The following DOCK5 variants were observed in gnomAD, a reference collection of about 807,000 sequenced individuals.
DOCK5 encodes dedicator of cytokinesis 5.
A neutral mutation model predicts 251.8 loss-of-function variants in DOCK5; 142 were observed. The observed-to-expected ratio is 0.56, with a 90% CI of 0.49 to 0.65. The LOEUF (loss-of-function observed/expected upper bound fraction) is 0.65. DOCK5 is among the 30% of genes least tolerant of loss of function. The pLI is 0.00. For synonymous variants in DOCK5, 842 were observed against 835.5 expected, an observed-to-expected ratio of 1.01 and a Z score of -0.13; for missense variants, 2,111 against 2,312.3, an observed-to-expected ratio of 0.91 and a Z score of 1.79.
rs560961050 is a variant in DOCK5 at position 25,410,712 on chromosome 8, C to G, written c.5509-482C>G. Among the ~76,000 whole-genome samples the G allele has an allele frequency of 1.4e-3, 208 of 150,830 alleles. 1 individual carries two copies. Among genetic ancestry groups the G allele is most frequent in the Middle Eastern group, 0.014 (4 of 292 alleles). Reference sequence around the variant, plus strand: ...CCTGGCCTCAAGTGATCCCCCCCACCCACCTCAGCCTTCCAAAGTGCTGAG... The same window carrying G: ...CCTGGCCTCAAGTGATCCCCCCCACGCACCTCAGCCTTCCAAAGTGCTGAG... On this transcript the variant is annotated intron_variant, in intron 51 of 51. Transcript: ENST00000276440.
Position 25,368,580 on chromosome 8 carries a change from A to G in DOCK5, c.3293A>G (p.Lys1098Arg), listed in dbSNP as rs756922049. The G allele has an allele frequency of 6.3e-7, 1 of 1,596,406 alleles. No homozygotes were observed. The highest frequency in any genetic ancestry group is 1.1e-5 in the South Asian group (1 of 87,324). ...TTCACTTTCATTTCAGGTCCCCACA[A>G]AATCAAATTCATCCCATCCATGGTG... ...RDMWYNLGPHKIKFIPSMVGP... is the reference protein window; with the variant it reads ...RDMWYNLGPHRIKFIPSMVGP... Residue 1098 changes from lysine to arginine, a missense_variant, in exon 33 of 52, where the codon AAA becomes AGA. This residue lies in a region of DOCK5 where 1,717 missense variants were observed against 1,892.4 expected (regional missense o/e 0.91). Coordinates refer to ENST00000276440, the MANE Select transcript of DOCK5 (RefSeq NM_024940.8).
intron 16 of DOCK5, among the ~76,000 whole-genome samples, chr8:25,321,775 T>A (rs929918230): frequency 6.6e-6 from 1 of 152,154 alleles, no homozygotes; most frequent in South Asian, 2.1e-4. Context: ...GGCTTGGGGT[T>A]TGAGGTCCCC....
rs1293166301 is a variant in DOCK5, at chr8:25,210,033, T to TATATATATAA, written c.43+25083_43+25084insTATATATAAA. Among the ~76,000 whole-genome samples the TATATATATAA allele has an allele frequency of 5.2e-4, 12 of 22,864 alleles. 4 individuals are homozygous for TATATATATAA. The highest frequency in any genetic ancestry group is 8.8e-4 in the Admixed American group (2 of 2,264). 15.0% of individuals were successfully genotyped at this position (22,864 alleles called of 152,430 possible). On this transcript the variant is annotated intron_variant, in intron 1 of 51. Coordinates refer to ENST00000276440, the MANE Select transcript of DOCK5 (RefSeq NM_024940.8). The stretch of plus-strand genomic sequence containing the variant: ...TTATATATATATATATATATATATA[T>TATATATATAA]AAATGTGTGTGTGTGTGTGTGTGTG...
At chr8:25,192,199 C>G (rs1801599349) in intron 1 of DOCK5, among the ~76,000 whole-genome samples, 1 of 46,990 alleles carries the variant, frequency 2.1e-5, no homozygotes, top group African/African-American at 6.4e-5. Context: ...GGTTCCAAGT[C>G]TTTGCTATTG....
At chr8:25,189,505 TG>T (rs1184551944) in intron 1 of DOCK5, among the ~76,000 whole-genome samples, 1 of 152,026 alleles carries the variant, frequency 6.6e-6, no homozygotes, top group East Asian at 1.9e-4. Flanking sequence ...GAGCTACAGG[TG>T]CGTGCCACCA....
At chr8:25,263,608 A>G (rs1803649806) in intron 2 of DOCK5, among the ~76,000 whole-genome samples, 1 of 151,674 alleles carries the variant, frequency 6.6e-6, no homozygotes, top group Non-Finnish European at 1.5e-5. Context: ...TCCCATGGGA[A>G]CACCCCCCTC....
At chr8:25,253,039 G>A (rs933199745) in intron 2 of DOCK5, among the ~76,000 whole-genome samples, 2 of 152,148 alleles carry the variant, frequency 1.3e-5, no homozygotes, top group Non-Finnish European at 2.9e-5. Context: ...GGCTAGGCTG[G>A]CCTCAAACTC....
At chr8:25,369,740 A>G (rs1586369515) in intron 34 of DOCK5, 99 bp downstream of exon 34, 6 of 951,464 alleles carry the variant, frequency 6.3e-6, no homozygotes, top group Non-Finnish European at 9.5e-6. Context: ...GAGTAGTCTC[A>G]GAGTCACTAG....
Position 25,412,392 on chromosome 8 carries a change from C to T in DOCK5, c.*1094C>T, listed in dbSNP as rs1162171378. 3 of 152,234 alleles carry T rather than the reference C, an allele frequency of 2.0e-5. No individual in the cohort carries two copies. The highest frequency in any genetic ancestry group is 4.1e-4 in the South Asian group (2 of 4,826). The allele number at this position is 152,234 out of a possible 1,614,324, so 9.4% of individuals were successfully genotyped here. A position where few individuals can be genotyped will look rare whatever the true frequency, so the allele number is the denominator to read the frequency against. ...ATAAATAGCCACATGAAGTTTTAGA[C>T]GTTTGGACTTGAAGCCTCAAAGATC... On this transcript the variant is annotated 3_prime_UTR_variant, in exon 52 of 52. Transcript: ENST00000276440.
chr8:25,276,944 G>T (rs925107425), intron 4 of DOCK5: 3 of 152,208 alleles, frequency 2.0e-5, no homozygotes, highest in Non-Finnish European at 4.4e-5. Context: ...TGACACAGGC[G>T]TTTTTGTTGC....
intron 1 of DOCK5, among the ~76,000 whole-genome samples, chr8:25,187,246 C>T (rs966713555): frequency 9.8e-5 from 13 of 133,238 alleles, no homozygotes; most frequent in Admixed American, 1.5e-4. Flanking sequence ...TATATATATA[C>T]ACACACACAC....
intron 31 of DOCK5, among the ~76,000 whole-genome samples, chr8:25,367,864 C>T (rs531541632): frequency 6.6e-6 from 1 of 152,208 alleles, no homozygotes; most frequent in South Asian, 2.1e-4. Context: ...TATGATCATA[C>T]TTCATTCACC....
intron 1 of DOCK5, among the ~76,000 whole-genome samples, chr8:25,208,384 T>A (rs1284492079): frequency 1.3e-5 from 2 of 152,224 alleles, no homozygotes. Flanking sequence ...TAGCATCACA[T>A]GCTATAGAGA....
intron 1 of DOCK5, among the ~76,000 whole-genome samples, chr8:25,191,853 T>TTG (rs1801589775): frequency 4.6e-5 from 7 of 151,994 alleles, no homozygotes; most frequent in Admixed American, 4.6e-4. Context: ...CATGTGCCAT[T>TTG]GTGTGCTGCA....
Position 25,369,616 on chromosome 8 carries a change from C to A in DOCK5, c.3499C>A (p.Gln1167Lys). 1 of 1,610,808 alleles carries A rather than the reference C, an allele frequency of 6.2e-7. No individual in the cohort carries two copies. Among genetic ancestry groups the A allele is most frequent in the South Asian group, 1.1e-5 (1 of 90,194 alleles). Reference protein sequence around the residue: ...QEVEGGRGDEQYKVLLEKLLL... With the variant: ...QEVEGGRGDEKYKVLLEKLLL... The stretch of plus-strand genomic sequence containing the variant: ...GGTAGAAGGGGGCAGAGGAGACGAA[C>A]AATACAAGGTTCTTCTGGAAAAACT... The change falls in exon 34 of 52, where the codon CAA becomes AAA. Residue 1167 changes from glutamine (Q) to lysine (K), a missense_variant. Around this residue, in one of 3 missense-constraint regions of DOCK5, gnomAD observed 1,717 missense variants for 1,892.4 expected, o/e 0.91. Coordinates refer to ENST00000276440, the MANE Select transcript of DOCK5 (RefSeq NM_024940.8).
chr8:25,197,575 CTTTTTTTTTTTTTTTTTT>C (rs541455591), intron 1 of DOCK5, among the ~76,000 whole-genome samples: 22 of 108,308 alleles, frequency 2.0e-4, no homozygotes, highest in African/African-American at 9.1e-4. Flanking sequence ...GTGTCTTTGT[CTTTTTTTTTTTTTTTTTT>C]TTTTTTTTTG....
intron 27 of DOCK5, among the ~76,000 whole-genome samples, chr8:25,356,946 T>TGC (rs1800586777): frequency 8.1e-6 from 1 of 123,644 alleles, no homozygotes; most frequent in African/African-American, 3.1e-5. Context: ...TATATATATA[T>TGC]GCAAATTAAA....
intron 1 of DOCK5, among the ~76,000 whole-genome samples, chr8:25,223,026 A>G (rs1178815341): frequency 2.6e-5 from 4 of 151,992 alleles, no homozygotes; most frequent in Non-Finnish European, 5.9e-5. Context: ...TAATTAATCC[A>G]TCCTTGCTTG....
chr8:25,351,796 G>A lies in DOCK5; in HGVS notation c.2820G>A (p.Val940=). 1 of 1,613,922 alleles carries A rather than the reference G, an allele frequency of 6.2e-7. No individual in the cohort carries two copies. The highest frequency in any genetic ancestry group is 8.5e-7 in the Non-Finnish European group (1 of 1,179,842). ...ERLLRRINRT[V]IGMNRQSPHI... ...TGCTGAGAAGGATCAACCGGACAGTGATTGGGATGAACCGGCAGTCTCCCC... is the reference window on the plus strand; with the variant it reads ...TGCTGAGAAGGATCAACCGGACAGTAATTGGGATGAACCGGCAGTCTCCCC... Residue 940 remains valine (V), a synonymous_variant, in exon 27 of 52, where the codon GTG becomes GTA. Transcript: ENST00000276440.
Sources: allele counts gnomAD v4.1 joint callset (sites outside exome capture counted in the v4.1 genomes callset), GRCh38; gene constraint gnomAD v4.1.1; regional missense constraint gnomAD v4.1.1; transcripts MANE v1.5; gene names NCBI Gene and HGNC (gene_info 2026-07-23, HGNC 2026-07-21).